P2RY8: variants seen among roughly 807,000 people sequenced by gnomAD.
P2RY8 encodes the protein P2Y receptor family member 8.
A neutral mutation model predicts 10.0 loss-of-function variants in P2RY8; 6 were observed. The observed-to-expected ratio is 0.60, with a 90% confidence interval of 0.33 to 1.19. P2RY8 has a LOEUF of 1.19. Ranked by LOEUF, P2RY8 falls within the 50% of genes most tolerant of loss-of-function variation. The pLI, the probability that P2RY8 is intolerant of heterozygous loss-of-function variation, is 0.04. For missense variants in P2RY8, 456 were observed against 542.0 expected (o/e 0.84, Z 1.58); for synonymous variants, 276 against 252.5 (o/e 1.09, Z -0.88).
intron 1 of P2RY8, among the ~76,000 whole-genome samples, chrX:1,522,423 T>G (rs1186178173): frequency 6.6e-6 from 1 of 152,160 alleles, no homozygotes; most frequent in Non-Finnish European, 1.5e-5. Flanking sequence ...TATTGTAACT[T>G]TAAATGCAAT....
At chrX:1,492,340 C>T (rs1419011341) in intron 1 of P2RY8, among the ~76,000 whole-genome samples, 1 of 152,072 alleles carries the variant, frequency 6.6e-6, no homozygotes, top group East Asian at 1.9e-4. Flanking sequence ...CATGGCTGGT[C>T]GGAACCCTTC....
chrX:1,466,412 G>A lies in P2RY8; in HGVS notation c.147C>T (p.Cys49=), dbSNP rs774140038. The A allele has an allele frequency of 6.2e-7, 1 of 1,613,358 alleles. No homozygotes were observed. Among genetic ancestry groups the A allele is most frequent in the East Asian group, 2.2e-5 (1 of 44,876 alleles). The change falls in exon 2 of 2, where the codon TGC becomes TGT. Residue 49 remains cysteine, a synonymous_variant. Transcript: ENST00000381297. ...PGNLFSLWVL[C]RRMGPRSPSV... ...ACGGGGATCTGGGCCCCATGCGCCG[G>A]CACAGCACCCACAGAGAGAAGAGGT...
rs756046887 is a variant in P2RY8 at position 1,507,988 on chromosome X, C to T, written c.-25+28933G>A. On this transcript the variant is annotated intron_variant, in intron 1 of 1. Coordinates refer to ENST00000381297, the MANE Select transcript of P2RY8 (RefSeq NM_178129.5). ...ACACCGCCATCCCTCAGGAGACCTC[C>T]CTGCCGCCTCCCCCACCTCTTTCAC... Among the ~76,000 whole-genome samples the T allele has an allele frequency of 8.5e-5, 13 of 152,252 alleles. No individual in the cohort carries two copies. In the East Asian group the frequency reaches 1.9e-3, roughly 23 times the overall value.
intron 1 of P2RY8, among the ~76,000 whole-genome samples, chrX:1,512,226 G>A (rs1228846704): frequency 2.0e-5 from 3 of 152,060 alleles, no homozygotes; most frequent in South Asian, 2.1e-4. Flanking sequence ...CAGGCCCACG[G>A]TATTAGTCTG....
At chrX:1,516,527 G>A (rs770285326) in intron 1 of P2RY8, among the ~76,000 whole-genome samples, 12 of 151,636 alleles carry the variant, frequency 7.9e-5, no homozygotes, top group Admixed American at 6.6e-5. Context: ...CTCATAAGAA[G>A]AGGAGATGAG....
In P2RY8 at chrX:1,463,235, G is replaced by T; in HGVS notation, c.*2244C>A. On this transcript the variant is annotated 3_prime_UTR_variant, in exon 2 of 2. Transcript: ENST00000381297. ...AGCACTTGCGACCTGTACTCCTGCAGCCTGGATGCTTCTGTATCAGCTTTG... is the reference window on the plus strand; with the variant it reads ...AGCACTTGCGACCTGTACTCCTGCATCCTGGATGCTTCTGTATCAGCTTTG... 4.3e-6 allele frequency: 1 copy of T among 233,212 alleles called. No individual in the cohort carries two copies. The highest frequency in any genetic ancestry group is 1.3e-3 in the Middle Eastern group (1 of 786). The allele number at this position is 233,212 out of a possible 1,614,324, so 14.4% of individuals were successfully genotyped here.
At chrX:1,511,961 G>T (rs1252573921) in intron 1 of P2RY8, among the ~76,000 whole-genome samples, 1 of 152,138 alleles carries the variant, frequency 6.6e-6, no homozygotes, top group South Asian at 2.1e-4. Context: ...CAAGTGTTCT[G>T]CCTTCGGTGA....
intron 1 of P2RY8, among the ~76,000 whole-genome samples, chrX:1,521,976 G>C (rs1211746398): frequency 1.7e-5 from 1 of 57,288 alleles, no homozygotes; most frequent in African/African-American, 7.9e-5. Context: ...TTTTGAGATG[G>C]AGTTTTGCTC....
chrX:1,517,382 T>C (rs1417839126), intron 1 of P2RY8, among the ~76,000 whole-genome samples: 1 of 152,080 alleles, frequency 6.6e-6, no homozygotes, highest in African/African-American at 2.4e-5. Flanking sequence ...GGTCTGGCTT[T>C]TAAACCACCT....
At chrX:1,480,650 G>A (rs1359884512) in intron 1 of P2RY8, among the ~76,000 whole-genome samples, 3 of 151,948 alleles carry the variant, frequency 2.0e-5, no homozygotes, top group Non-Finnish European at 4.4e-5. Flanking sequence ...GGAGGGGAAC[G>A]TCACACACCA....
intron 1 of P2RY8, among the ~76,000 whole-genome samples, chrX:1,477,025 C>A (rs2091882315): frequency 6.6e-6 from 1 of 151,812 alleles, no homozygotes; most frequent in African/African-American, 2.4e-5. Flanking sequence ...CCCGTCTCTA[C>A]TCAAAATACA....
At chrX:1,514,702 T>TCCCTTTCCTC (rs1466200250) in intron 1 of P2RY8, among the ~76,000 whole-genome samples, 1 of 712 alleles carries the variant, frequency 1.4e-3, no homozygotes. Flanking sequence ...TTCCTTCCCT[T>TCCCTTTCCTC]CCTTCCCTTC....
At chrX:1,487,796 G>A (rs1276763585) in intron 1 of P2RY8, among the ~76,000 whole-genome samples, 3 of 152,124 alleles carry the variant, frequency 2.0e-5, no homozygotes, top group African/African-American at 2.4e-5. Flanking sequence ...AGGGGTTGGG[G>A]ACAAGTCAGA....
At chrX:1,506,637 T>C (rs1295840706) in intron 1 of P2RY8, among the ~76,000 whole-genome samples, 1 of 151,858 alleles carries the variant, frequency 6.6e-6, no homozygotes, top group African/African-American at 2.4e-5. Flanking sequence ...AGAGGGACCC[T>C]GGACATTTTG....
intron 1 of P2RY8, among the ~76,000 whole-genome samples, chrX:1,486,679 C>A (rs1232870462): frequency 6.6e-6 from 1 of 152,182 alleles, no homozygotes; most frequent in Non-Finnish European, 1.5e-5. Flanking sequence ...TCCTAAATGT[C>A]CCCCAGTTAT....
At chrX:1,530,545 TTCTA>T (rs754869789) in intron 1 of P2RY8, among the ~76,000 whole-genome samples, 13 of 149,718 alleles carry the variant, frequency 8.7e-5, no homozygotes, top group East Asian at 6.1e-4. Flanking sequence ...TATGTATCTA[TTCTA>T]TCTATGTATC....
chrX:1,514,880 TCCTCTC>T (rs1569538382), intron 1 of P2RY8, among the ~76,000 whole-genome samples: 9 of 5,206 alleles, frequency 1.7e-3, no homozygotes, highest in Admixed American at 3.1e-3. Flanking sequence ...TCCCCTGTCT[TCCTCTC>T]CCCTCCCCTT....
At chrX:1,511,351 C>G (rs1390509508) in intron 1 of P2RY8, among the ~76,000 whole-genome samples, 1 of 152,184 alleles carries the variant, frequency 6.6e-6, no homozygotes, top group Non-Finnish European at 1.5e-5. Flanking sequence ...CATAGCTCCT[C>G]CTGTAACCTG....
chrX:1,492,629 C>G (rs1235699815), intron 1 of P2RY8, among the ~76,000 whole-genome samples: 1 of 152,130 alleles, frequency 6.6e-6, no homozygotes, highest in South Asian at 2.1e-4. Flanking sequence ...CCTAATTATC[C>G]AATTTGACAA....
Sources: allele counts gnomAD v4.1 joint callset (sites outside exome capture counted in the v4.1 genomes callset), GRCh38; gene constraint gnomAD v4.1.1; transcripts MANE v1.5; gene names NCBI Gene and HGNC (gene_info 2026-07-23, HGNC 2026-07-21).